The following COLGALT2 variants were observed in gnomAD, a reference collection of about 807,000 sequenced individuals.
COLGALT2 encodes procollagen galactosyltransferase 2.
A neutral mutation model predicts 73.4 loss-of-function variants in COLGALT2; 49 were observed. That is an observed-to-expected ratio of 0.67 (90% CI 0.53 to 0.85). The LOEUF is 0.85. Among genes scored for constraint, COLGALT2 ranks in the 40% least tolerant of loss-of-function variants. COLGALT2 has a pLI of 0.00. For missense variants in COLGALT2, 722 were observed against 790.2 expected (o/e 0.91, Z 1.03); for synonymous variants, 295 against 307.6 (o/e 0.96, Z 0.43).
intron 1 of COLGALT2, among the ~76,000 whole-genome samples, chr1:183,984,119 C>T (rs1259626187): frequency 6.6e-6 from 1 of 152,186 alleles, no homozygotes; most frequent in Non-Finnish European, 1.5e-5. Context: ...GATAAGACAC[C>T]AAGGAAAGGC....
intron 6 of COLGALT2, among the ~76,000 whole-genome samples, chr1:183,956,688 A>G (rs1250885484): frequency 6.6e-6 from 1 of 152,156 alleles, no homozygotes; most frequent in African/African-American, 2.4e-5. Context: ...GCTTTTAGCC[A>G]CTTTGTTTCC....
chr1:184,024,421 C>T (rs1424616017), intron 1 of COLGALT2, among the ~76,000 whole-genome samples: 3 of 150,728 alleles, frequency 2.0e-5, no homozygotes, highest in East Asian at 3.9e-4. Flanking sequence ...GGCATGATCT[C>T]GGCTCACTGC....
At chr1:183,983,478 G>C (rs74465393) in intron 1 of COLGALT2, among the ~76,000 whole-genome samples, 5 of 152,216 alleles carry the variant, frequency 3.3e-5, no homozygotes, top group African/African-American at 1.2e-4. Flanking sequence ...AAGCAACACA[G>C]GCCCTGGGCT....
At chr1:183,996,105 C>T (rs1354406095) in intron 1 of COLGALT2, among the ~76,000 whole-genome samples, 1 of 152,122 alleles carries the variant, frequency 6.6e-6, no homozygotes, top group Non-Finnish European at 1.5e-5. Flanking sequence ...ATGCCTTGTA[C>T]GCTGCCAGGC....
Position 183,938,551 on chromosome 1 carries a change from A to C in COLGALT2, c.*210T>G, listed in dbSNP as rs1476224313. On this transcript the variant is annotated 3_prime_UTR_variant, in exon 12 of 12. Transcript: ENST00000361927. ...ACAGTTTCCAAAAAACCTGTCTTTC[A>C]GCCGTCTTGGGAAATTTGGGTTGAA... 2 of 1,412,946 alleles carry C rather than the reference A, an allele frequency of 1.4e-6. No homozygotes were observed. Among genetic ancestry groups the C allele is most frequent in the African/African-American group, 2.9e-5 (2 of 69,368 alleles). The allele number at this position is 1,412,946 out of a possible 1,614,324, so 87.5% of individuals were successfully genotyped here. A position where few individuals can be genotyped will look rare whatever the true frequency, so the allele number is the denominator to read the frequency against.
chr1:184,019,208 G>C (rs1649098605), intron 1 of COLGALT2, among the ~76,000 whole-genome samples: 1 of 152,174 alleles, frequency 6.6e-6, no homozygotes, highest in South Asian at 2.1e-4. Context: ...AGCAGTACTT[G>C]TGAGGGCTCA....
rs748983950 is a variant in COLGALT2 at position 183,969,226 on chromosome 1, G to T, written c.832+43C>A. ...ACAAAACAAAGGAGCTGGTCATTTT[G>T]CTGTGTCTCCATTGTGGCACTACAA... On this transcript the variant is annotated intron_variant, in intron 5 of 11. Transcript: ENST00000361927. 11 of 1,466,734 alleles carry T rather than the reference G, an allele frequency of 7.5e-6. No individual in the cohort carries two copies. In the African/African-American group the frequency reaches 1.1e-4, roughly 15 times the overall value. 90.9% of individuals were successfully genotyped at this position (1,466,734 alleles called of 1,614,324 possible).
chr1:183,962,498 C>T (rs1025295247), intron 6 of COLGALT2, among the ~76,000 whole-genome samples: 1 of 152,034 alleles, frequency 6.6e-6, no homozygotes, highest in African/African-American at 2.4e-5. Flanking sequence ...GCTACATGCC[C>T]TATTCCATTT....
chr1:184,030,818 T>C (rs1412612843), intron 1 of COLGALT2, among the ~76,000 whole-genome samples: 3 of 152,226 alleles, frequency 2.0e-5, no homozygotes, highest in Non-Finnish European at 4.4e-5. Flanking sequence ...GGATATTCAT[T>C]ATAAAATAAT....
downstream of COLGALT2, among the ~76,000 whole-genome samples, chr1:183,931,625 C>T (rs1231750038): frequency 6.6e-6 from 1 of 152,044 alleles, no homozygotes; most frequent in Non-Finnish European, 1.5e-5. Flanking sequence ...AGTTTTAAGA[C>T]CACCTGGATC....
At chr1:184,012,516 T>C (rs1428499244) in intron 1 of COLGALT2, among the ~76,000 whole-genome samples, 2 of 152,196 alleles carry the variant, frequency 1.3e-5, no homozygotes, top group South Asian at 2.1e-4. Context: ...TTGGAAACAA[T>C]GAACCTTTGT....
intron 1 of COLGALT2, among the ~76,000 whole-genome samples, chr1:184,024,605 C>T (rs936518492): frequency 6.6e-6 from 1 of 151,142 alleles, no homozygotes; most frequent in Non-Finnish European, 1.5e-5. Flanking sequence ...CCTGCCTTGG[C>T]CTCCCAAAGT....
At chr1:183,941,126 GA>G (rs1428900226) in intron 10 of COLGALT2, among the ~76,000 whole-genome samples, 4 of 152,180 alleles carry the variant, frequency 2.6e-5, no homozygotes, top group African/African-American at 9.7e-5. Flanking sequence ...ACAGAGGTTG[GA>G]AAGGCACAAA....
At chr1:183,984,443 G>C (rs563520156) in intron 1 of COLGALT2, among the ~76,000 whole-genome samples, 2 of 152,260 alleles carry the variant, frequency 1.3e-5, no homozygotes, top group South Asian at 4.2e-4. Context: ...AGCAAGGAGA[G>C]CTCAGCTCTT....
intron 1 of COLGALT2, among the ~76,000 whole-genome samples, chr1:184,027,918 A>G (rs1649379259): frequency 6.6e-6 from 1 of 152,170 alleles, no homozygotes; most frequent in African/African-American, 2.4e-5. Flanking sequence ...AACACAAGAG[A>G]TGGTCTGACT....
Position 183,936,770 on chromosome 1 carries a change from C to T in COLGALT2, c.*1991G>A, listed in dbSNP as rs570809336. ...GGGGTGGGTGGGAAAGGAAGTCACA[C>T]TGACAGCTAAGTCTAAGCGGCACAA... On this transcript the variant is annotated 3_prime_UTR_variant, in exon 12 of 12. Coordinates refer to ENST00000361927, the MANE Select transcript of COLGALT2 (RefSeq NM_015101.4). The T allele has an allele frequency of 1.2e-4, 149 of 1,231,478 alleles. 1 individual carries two copies. The African/African-American group carries it at 1.8e-3, about 14-fold the overall frequency. The allele number at this position is 1,231,478 out of a possible 1,614,324, so 76.3% of individuals were successfully genotyped here.
In COLGALT2 at chr1:183,969,508, G is replaced by T. The variant is rs373601667; in HGVS notation, c.628-35C>A. The T allele has an allele frequency of 2.3e-5, 35 of 1,547,916 alleles. No homozygotes were observed. In the African/African-American group the frequency reaches 4.7e-4, roughly 21 times the overall value. On this transcript the variant is annotated intron_variant, in intron 4 of 11. Transcript: ENST00000361927. ...AGCAAATAGGTGGGTTGTGTTTTCTGATTTGAAGTCTTCATCCTTCTCAGT... is the reference window on the plus strand; with the variant it reads ...AGCAAATAGGTGGGTTGTGTTTTCTTATTTGAAGTCTTCATCCTTCTCAGT...
chr1:183,944,688 G>C (rs544128643), intron 9 of COLGALT2, among the ~76,000 whole-genome samples: 12 of 151,784 alleles, frequency 7.9e-5, no homozygotes, highest in African/African-American at 1.2e-4. Flanking sequence ...AGTACGGGGT[G>C]GGGGGGTGCT....
downstream of COLGALT2, among the ~76,000 whole-genome samples, chr1:183,932,725 C>T (rs1669872521): frequency 1.3e-5 from 2 of 152,148 alleles, no homozygotes; most frequent in African/African-American, 4.8e-5. Context: ...TGGGCACTCT[C>T]GCTGGACGGG....
Sources: allele counts gnomAD v4.1 joint callset (sites outside exome capture counted in the v4.1 genomes callset), GRCh38; gene constraint gnomAD v4.1.1; transcripts MANE v1.5; gene names NCBI Gene and HGNC (gene_info 2026-07-23, HGNC 2026-07-21).